The following RSF1 variants were observed in gnomAD, a reference collection of about 807,000 sequenced individuals.
RSF1 encodes remodeling and spacing factor 1.
In RSF1, 13 loss-of-function variants were observed where a neutral mutation model predicts 145.2. The ratio of observed to expected loss-of-function variants is 0.09; its 90% CI spans 0.06 to 0.14. The LOEUF (loss-of-function observed/expected upper bound fraction) is 0.14, where lower values mean the gene tolerates loss of function less well. Ranked by LOEUF, RSF1 falls within the 10% of genes least tolerant of loss-of-function variation. RSF1 has a pLI of 1.00. For missense variants in RSF1, 1,517 were observed against 1,718.2 expected, an observed-to-expected ratio of 0.88 and a Z score of 2.07; for synonymous variants, 577 against 592.6, an observed-to-expected ratio of 0.97 and a Z score of 0.38.
rs767645290 is a variant in RSF1 at position 77,714,129 on chromosome 11, C to CTT, written c.733+11414_733+11415dup. ...TCTCCCATAAATTTATTTGAACCTTCTTTTTGTTTGTCCTGTTGTCCCTGT... is the reference window on the plus strand; with the variant it reads ...TCTCCCATAAATTTATTTGAACCTTCTTTTTTTGTTTGTCCTGTTGTCCCTGT... On this transcript the variant is annotated intron_variant, in intron 5 of 15. Coordinates refer to ENST00000308488, the MANE Select transcript of RSF1 (RefSeq NM_016578.4). 7.2e-5 allele frequency among the ~76,000 whole-genome samples: 11 copies of CTT among 152,320 alleles called. No individual in the cohort carries two copies. In the East Asian group the frequency reaches 1.9e-3, roughly 27 times the overall value.
chr11:77,685,036 A>G, intron 10 of RSF1, 69 bp downstream of exon 10: 1 of 766,278 alleles, frequency 1.3e-6, no homozygotes. Context: ...AACATTACAT[A>G]AGGTGGGTAA....
rs59747840 is a variant in RSF1 at position 77,727,473 on chromosome 11, CT to C, written c.579-1775del. On this transcript the variant is annotated intron_variant, in intron 4 of 15. Coordinates refer to ENST00000308488, the MANE Select transcript of RSF1 (RefSeq NM_016578.4). ...AAATCTATTTCAATTACTTCCACTA[CT>C]TTTTTTTTTTTTTTTTTTTGAGATG... 6.6e-3 allele frequency among the ~76,000 whole-genome samples: 739 copies of C among 112,236 alleles called. 8 individuals are homozygous for C. The highest frequency in any genetic ancestry group is 0.027 in the Admixed American group (256 of 9,348). The allele number at this position is 112,236 out of a possible 152,430, so 73.6% of individuals were successfully genotyped here. A position where few individuals can be genotyped will look rare whatever the true frequency, so the allele number is the denominator to read the frequency against.
rs1414128183 is a variant in RSF1 at position 77,663,351 on chromosome 11, T to C, written c.*3566A>G. ...TTAAACAAGTAAATGTCCATGTTTT[T>C]CTTAATATGTGTACTTTGCTCAAAT... On this transcript the variant is annotated 3_prime_UTR_variant, in exon 16 of 16. Transcript: ENST00000308488. The C allele has an allele frequency of 1.3e-5, 2 of 152,204 alleles. No individual in the cohort carries two copies. The highest frequency in any genetic ancestry group is 2.9e-5 in the Non-Finnish European group (2 of 68,026). 9.4% of individuals were successfully genotyped at this position (152,204 alleles called of 1,614,324 possible). A position where few individuals can be genotyped will look rare whatever the true frequency, so the allele number is the denominator to read the frequency against.
intron 5 of RSF1, among the ~76,000 whole-genome samples, chr11:77,713,557 G>C (rs1241998627): frequency 6.6e-6 from 1 of 152,152 alleles, no homozygotes; most frequent in Non-Finnish European, 1.5e-5. Context: ...ACTACTTCAG[G>C]AAAGTGTTTT....
chr11:77,784,777 C>T (rs1296158948), intron 1 of RSF1, among the ~76,000 whole-genome samples: 1 of 152,196 alleles, frequency 6.6e-6, no homozygotes, highest in East Asian at 1.9e-4. Context: ...AAGAATATTT[C>T]ACTCTGGTCA....
rs1483962855 is a variant in RSF1, at chr11:77,662,441, A to G, written c.*4476T>C. On this transcript the variant is annotated 3_prime_UTR_variant, in exon 16 of 16. Coordinates refer to ENST00000308488, the MANE Select transcript of RSF1 (RefSeq NM_016578.4). ...TGAGTGTATACTCTAAAGTGGTTATATACTAAGCTCATTACATTTTGGCTT... is the reference window on the plus strand; with the variant it reads ...TGAGTGTATACTCTAAAGTGGTTATGTACTAAGCTCATTACATTTTGGCTT... 6.6e-6 allele frequency: 1 copy of G among 152,186 alleles called. No individual in the cohort carries two copies. Among genetic ancestry groups the G allele is most frequent in the Non-Finnish European group, 1.5e-5 (1 of 68,010 alleles). 9.4% of individuals were successfully genotyped at this position (152,186 alleles called of 1,614,324 possible). A position where few individuals can be genotyped will look rare whatever the true frequency, so the allele number is the denominator to read the frequency against.
chr11:77,764,183 C>A (rs374899625), intron 2 of RSF1: 1 of 157,326 alleles, frequency 6.4e-6, no homozygotes, highest in East Asian at 1.9e-4. Context: ...GTCTGTGGCC[C>A]AGGGGTTGGG....
chr11:77,788,598 G>T (rs1001833256), intron 1 of RSF1, among the ~76,000 whole-genome samples: 1 of 151,326 alleles, frequency 6.6e-6, no homozygotes, highest in Non-Finnish European at 1.5e-5. Context: ...AGTGAAAAAG[G>T]TATCCAATAT....
At chr11:77,771,014 C>T (rs1041306721) in intron 1 of RSF1, among the ~76,000 whole-genome samples, 4 of 152,166 alleles carry the variant, frequency 2.6e-5, no homozygotes, top group African/African-American at 9.7e-5. Context: ...CAGATGTCTC[C>T]AGCTCCAATC....
intron 1 of RSF1, among the ~76,000 whole-genome samples, chr11:77,791,727 C>A (rs1436002081): frequency 2.0e-5 from 3 of 152,162 alleles, no homozygotes; most frequent in Non-Finnish European, 2.9e-5. Flanking sequence ...TAAAACATAA[C>A]AAGAATCATC....
At chr11:77,703,432 T>C (rs1960470807) in intron 5 of RSF1, 2 of 152,174 alleles carry the variant, frequency 1.3e-5, no homozygotes, top group Admixed American at 6.5e-5. Flanking sequence ...TCCCTTCACC[T>C]TATCCTTGCT....
At chr11:77,751,411 C>T (rs191968686) in intron 2 of RSF1, among the ~76,000 whole-genome samples, 47 of 152,258 alleles carry the variant, frequency 3.1e-4, no homozygotes, top group Admixed American at 2.7e-3. Context: ...TGATTCCAGC[C>T]AACATCTGAA....
intron 12 of RSF1, among the ~76,000 whole-genome samples, chr11:77,677,704 G>C (rs574858575): frequency 6.6e-6 from 1 of 152,162 alleles, no homozygotes; most frequent in African/African-American, 2.4e-5. Flanking sequence ...TTTTTAATAG[G>C]TTAACTTAAA....
chr11:77,679,425 C>T (rs1418838339), intron 11 of RSF1, among the ~76,000 whole-genome samples: 1 of 152,164 alleles, frequency 6.6e-6, no homozygotes, highest in Non-Finnish European at 1.5e-5. Flanking sequence ...GTAATCTCAG[C>T]ACTTTGGGAG....
chr11:77,791,698 A>G (rs1948519027), intron 1 of RSF1, among the ~76,000 whole-genome samples: 1 of 152,086 alleles, frequency 6.6e-6, no homozygotes, highest in Admixed American at 6.6e-5. Context: ...GCAGGGGAAA[A>G]TGTCGCCAGT....
At chr11:77,810,302 C>T (rs1048461277) in intron 1 of RSF1, among the ~76,000 whole-genome samples, 9 of 152,168 alleles carry the variant, frequency 5.9e-5, no homozygotes, top group Admixed American at 2.6e-4. Context: ...TCACATGGCT[C>T]CCATCCTGGC....
chr11:77,720,758 T>C (rs2135880732), intron 5 of RSF1, among the ~76,000 whole-genome samples: 1 of 152,192 alleles, frequency 6.6e-6, no homozygotes, highest in African/African-American at 2.4e-5. Context: ...CCAAGACATA[T>C]GGAGAAAACA....
chr11:77,666,745 A>G lies in RSF1; in HGVS notation c.*172T>C, dbSNP rs1216647450. ...GAATTTACAGCAATTATTTATCTTC[A>G]AAGTTCAGAACTGGTCACTTCACAG... On this transcript the variant is annotated 3_prime_UTR_variant, in exon 16 of 16. Transcript: ENST00000308488. 1.4e-5 allele frequency: 6 copies of G among 428,964 alleles called. No individual in the cohort carries two copies. Among genetic ancestry groups the G allele is most frequent in the Non-Finnish European group, 2.4e-5 (6 of 247,792 alleles). 26.6% of individuals were successfully genotyped at this position (428,964 alleles called of 1,614,324 possible).
chr11:77,798,581 T>TAAAAAAAAAAA (rs543236647), intron 1 of RSF1, among the ~76,000 whole-genome samples: 2 of 24,496 alleles, frequency 8.2e-5, no homozygotes, highest in African/African-American at 2.6e-4. Flanking sequence ...GACTCCATCT[T>TAAAAAAAAAAA]AAAAAAAAAA....
Sources: gnomAD v4.1 joint callset for allele counts (sites outside exome capture counted in the v4.1 genomes callset) on GRCh38, gnomAD v4.1.1 for gene constraint, MANE v1.5 for transcripts, NCBI Gene and HGNC (gene_info 2026-07-23, HGNC 2026-07-21) for gene names.